The following CLN8 variants were observed in gnomAD, a reference collection of about 807,000 sequenced individuals.
The protein encoded by CLN8 is protein CLN8.
Under a neutral mutation model 15.7 loss-of-function variants are expected in CLN8, and 14 were observed. The ratio of observed to expected loss-of-function variants is 0.89; its 90% confidence interval spans 0.59 to 1.39. The LOEUF (loss-of-function observed/expected upper bound fraction) is 1.39, where lower values mean the gene tolerates loss of function less well. CLN8 is among the 40% of genes most tolerant of loss of function. CLN8 has a pLI of 0.00. For synonymous variants in CLN8, 188 were observed against 151.0 expected (o/e 1.25, Z -1.80); for missense variants, 415 against 364.0 (o/e 1.14, Z -1.14).
chr8:1,771,254 C>A lies in CLN8; in HGVS notation c.200C>A (p.Ala67Glu), dbSNP rs373957283. The change falls in exon 2 of 3, where the codon GCG becomes GAG. Residue 67 changes from alanine to glutamate, a missense_variant. Physicochemically the swap from Ala to Glu is moderately radical, Grantham distance 107 (BLOSUM62 -1). Coordinates refer to ENST00000331222, the MANE Select transcript of CLN8 (RefSeq NM_018941.4). ...VAREKVFWDLAATRAVFGVQS... is the reference protein window; with the variant it reads ...VAREKVFWDLEATRAVFGVQS... ...AGAGAGAAGGTCTTCTGGGACCTGG[C>A]GGCCACGCGTGCAGTCTTTGGTGTT... 6 of 1,613,312 alleles carry A rather than the reference C, an allele frequency of 3.7e-6. No individual in the cohort carries two copies. The highest frequency in any genetic ancestry group is 2.7e-5 in the African/African-American group (2 of 74,862).
intron 2 of CLN8, 59 bp downstream of exon 2, chr8:1,771,656 A>C: frequency 4.7e-6 from 7 of 1,498,368 alleles, no homozygotes; most frequent in Non-Finnish European, 5.5e-6. Context: ...CACTGGCTAC[A>C]ATGTCCTGGA....
upstream of CLN8, among the ~76,000 whole-genome samples, chr8:1,753,074 C>A (rs973701556): frequency 1.3e-5 from 2 of 152,190 alleles, no homozygotes; most frequent in Non-Finnish European, 2.9e-5. Flanking sequence ...AGATCTTCCT[C>A]TGAGTTAGAC....
intron 1 of CLN8, among the ~76,000 whole-genome samples, chr8:1,770,200 G>A (rs1184168285): frequency 6.6e-6 from 1 of 152,152 alleles, no homozygotes; most frequent in Non-Finnish European, 1.5e-5. Context: ...TGGCCTTTAA[G>A]TGAGGACCTG....
chr8:1,774,189 A>G (rs1801424422), intron 2 of CLN8, among the ~76,000 whole-genome samples: 1 of 152,144 alleles, frequency 6.6e-6, no homozygotes, highest in Non-Finnish European at 1.5e-5. Flanking sequence ...CTCCAGGAGG[A>G]CAGACTCAGC....
intron 2 of CLN8, among the ~76,000 whole-genome samples, chr8:1,775,056 A>G (rs1422051961): frequency 6.6e-6 from 1 of 152,350 alleles, no homozygotes; most frequent in South Asian, 2.1e-4. Flanking sequence ...GTATGTATAC[A>G]GTCGACCTTC....
Position 1,784,254 on chromosome 8 carries a change from C to T in CLN8, c.*3687C>T, listed in dbSNP as rs1316063972. 1.3e-5 allele frequency: 2 copies of T among 152,058 alleles called. No individual in the cohort carries two copies. The highest frequency in any genetic ancestry group is 1.9e-4 in the East Asian group (1 of 5,184). 9.4% of individuals were successfully genotyped at this position (152,058 alleles called of 1,614,324 possible). A position where few individuals can be genotyped will look rare whatever the true frequency, so the allele number is the denominator to read the frequency against. On this transcript the variant is annotated 3_prime_UTR_variant, in exon 3 of 3. Coordinates refer to ENST00000331222, the MANE Select transcript of CLN8 (RefSeq NM_018941.4). Reference sequence around the variant, plus strand: ...GAGCCGAGATCACGCCATTGCACTCCAGCCTGGGTGACACAGTGAGACTCC... The same window carrying T: ...GAGCCGAGATCACGCCATTGCACTCTAGCCTGGGTGACACAGTGAGACTCC...
upstream of CLN8, chr8:1,762,041 A>G (rs754897967): frequency 6.6e-6 from 1 of 152,214 alleles, no homozygotes; most frequent in South Asian, 2.1e-4. Flanking sequence ...GTTTCTTCCA[A>G]AGTTAGTTTG....
chr8:1,765,796 C>T (rs112027278), intron 1 of CLN8, among the ~76,000 whole-genome samples: 1,611 of 152,266 alleles, frequency 0.011, 27 homozygotes, highest in African/African-American at 0.036. Context: ...ATTAGCTTTG[C>T]AGATTGTAAA....
intron 2 of CLN8, 112 bp from the exon 3 acceptor site, chr8:1,780,138 G>T: frequency 6.3e-7 from 1 of 1,582,640 alleles, no homozygotes; most frequent in Non-Finnish European, 8.6e-7. Context: ...CTTTTGCTTT[G>T]AAATGAATTT....
intron 1 of CLN8, 70 bp downstream of exon 1, chr8:1,763,955 G>A: frequency 6.9e-6 from 1 of 144,220 alleles, no homozygotes; most frequent in South Asian, 2.3e-4. Flanking sequence ...AGCGCGCGGG[G>A]TGCCCGGGTT....
At chr8:1,756,867 G>T (rs555959525) in intron 1 of CLN8, among the ~76,000 whole-genome samples, 1 of 152,096 alleles carries the variant, frequency 6.6e-6, no homozygotes, top group South Asian at 2.1e-4. Flanking sequence ...ATTTTTAGTA[G>T]AGACGGGGTT....
chr8:1,757,155 C>G (rs1416736194), intron 1 of CLN8, among the ~76,000 whole-genome samples: 1 of 152,188 alleles, frequency 6.6e-6, no homozygotes, highest in African/African-American at 2.4e-5. Context: ...GAGGTGTGTC[C>G]TCTTCCAGGA....
Position 1,771,209 on chromosome 8 carries a change from C to T in CLN8, c.155C>T (p.Thr52Ile). The change falls in exon 2 of 3, where the codon ACT becomes ATT. Residue 52 changes from threonine to isoleucine, a missense_variant. Thr to Ile is a moderately conservative substitution (Grantham distance 89). Transcript: ENST00000331222. ...CAGCTGTCCTCTTCCCTGAATGCCA[C>T]TTACCGTTCTTTGGTGGCCAGAGAG... ...CHQLSSSLNA[T>I]YRSLVAREKV... The T allele has an allele frequency of 6.2e-7, 1 of 1,614,082 alleles. No homozygotes were observed. Among genetic ancestry groups the T allele is most frequent in the Non-Finnish European group, 8.5e-7 (1 of 1,180,000 alleles).
Position 1,781,493 on chromosome 8 carries a change from C to A in CLN8, c.*926C>A, listed in dbSNP as rs1801712722. 1 of 151,916 alleles carries A rather than the reference C, an allele frequency of 6.6e-6. No homozygotes were observed. Among genetic ancestry groups the A allele is most frequent in the South Asian group, 2.1e-4 (1 of 4,828 alleles). The allele number at this position is 151,916 out of a possible 1,614,324, so 9.4% of individuals were successfully genotyped here. A position where few individuals can be genotyped will look rare whatever the true frequency, so the allele number is the denominator to read the frequency against. Reference sequence around the variant, plus strand: ...GCAGAGACGCCTTGGAGTTTAACCCCCACCAACCAGAGCGTGGGCTGGTAA... The same window carrying A: ...GCAGAGACGCCTTGGAGTTTAACCCACACCAACCAGAGCGTGGGCTGGTAA... On this transcript the variant is annotated 3_prime_UTR_variant, in exon 3 of 3. Transcript: ENST00000331222.
At chr8:1,780,207 G>T in intron 2 of CLN8, 43 bp from the exon 3 acceptor site, 3 of 1,614,184 alleles carry the variant, frequency 1.9e-6, no homozygotes, top group South Asian at 2.2e-5. Context: ...ATGAATTTTG[G>T]CAGTTTCGCA....
At chr8:1,774,519 T>G in intron 2 of CLN8, among the ~76,000 whole-genome samples, 1 of 152,176 alleles carries the variant, frequency 6.6e-6, no homozygotes, top group East Asian at 1.9e-4. Context: ...ATTCAACATT[T>G]CTCCCCCATC....
upstream of CLN8, chr8:1,760,474 C>T (rs1233958043): frequency 6.6e-6 from 1 of 152,162 alleles, no homozygotes; most frequent in Non-Finnish European, 1.5e-5. Context: ...CTGGTTATAC[C>T]TGTGATCAGT....
chr8:1,763,786 G>C (rs1306497684), upstream of CLN8: 1 of 150,276 alleles, frequency 6.7e-6, no homozygotes, highest in Non-Finnish European at 1.5e-5. Flanking sequence ...TTTGAGGCCG[G>C]CCAGTCGTGA....
chr8:1,772,179 G>A (rs189936513), intron 2 of CLN8, among the ~76,000 whole-genome samples: 35 of 152,046 alleles, frequency 2.3e-4, no homozygotes, highest in African/African-American at 7.0e-4. Context: ...CTTGTGGTCC[G>A]CCTGCCTGGG....
Sources: allele counts gnomAD v4.1 joint callset (sites outside exome capture counted in the v4.1 genomes callset), GRCh38; gene constraint gnomAD v4.1.1; transcripts MANE v1.5; gene names NCBI Gene and HGNC (gene_info 2026-07-23, HGNC 2026-07-21).